GALNTL6: variants seen among roughly 807,000 people sequenced by gnomAD.
GALNTL6 encodes polypeptide N-acetylgalactosaminyltransferase like 6, also known as polypeptide N-acetylgalactosaminyltransferase-like 6.
A neutral mutation model predicts 73.7 loss-of-function variants in GALNTL6; 46 were observed. The ratio of observed to expected loss-of-function variants is 0.62; its 90% CI spans 0.49 to 0.80. GALNTL6 has a LOEUF of 0.80. Ranked by LOEUF, GALNTL6 falls within the 30% of genes least tolerant of loss-of-function variation. GALNTL6 has a pLI of 0.00. For missense variants in GALNTL6, 604 were observed against 755.0 expected (o/e 0.80, Z 2.34); for synonymous variants, 259 against 263.7 (o/e 0.98, Z 0.17).
At chr4:171,886,095 C>T (rs1736600251) in intron 2 of GALNTL6, among the ~76,000 whole-genome samples, 1 of 151,798 alleles carries the variant, frequency 6.6e-6, no homozygotes, top group Admixed American at 6.6e-5. Flanking sequence ...AAAATATCTA[C>T]ATAATTAAAA....
At chr4:172,843,359 T>C (rs755839517) in intron 7 of GALNTL6, among the ~76,000 whole-genome samples, 6 of 152,192 alleles carry the variant, frequency 3.9e-5, no homozygotes, top group Non-Finnish European at 8.8e-5. Flanking sequence ...TGAGAGTGGC[T>C]TCGGTAATGG....
intron 2 of GALNTL6, among the ~76,000 whole-genome samples, chr4:171,917,903 A>T (rs1022743247): frequency 1.3e-5 from 2 of 152,118 alleles, no homozygotes; most frequent in African/African-American, 4.8e-5. Context: ...AGAAGAGTTG[A>T]CACCTTCTCA....
chr4:172,461,044 A>G (rs1269540219), intron 5 of GALNTL6, among the ~76,000 whole-genome samples: 2 of 152,220 alleles, frequency 1.3e-5, no homozygotes, highest in Admixed American at 6.5e-5. Flanking sequence ...GCCATAAAAA[A>G]TGATGAGTTC....
At chr4:172,448,888 A>G (rs1222763868) in intron 5 of GALNTL6, among the ~76,000 whole-genome samples, 1 of 152,174 alleles carries the variant, frequency 6.6e-6, no homozygotes, top group Non-Finnish European at 1.5e-5. Flanking sequence ...TAACTTACCA[A>G]CACTGGGAAA....
At chr4:172,468,894 ATTC>A (rs1225866388) in intron 5 of GALNTL6, among the ~76,000 whole-genome samples, 1 of 152,190 alleles carries the variant, frequency 6.6e-6, no homozygotes, top group East Asian at 1.9e-4. Context: ...CTACAAACCT[ATTC>A]TTCCTTTTCA....
intron 2 of GALNTL6, among the ~76,000 whole-genome samples, chr4:171,899,239 A>G (rs1049410395): frequency 6.6e-6 from 1 of 152,206 alleles, no homozygotes; most frequent in East Asian, 1.9e-4. Flanking sequence ...GTGTTACCCT[A>G]TGGCAAAGGC....
At chr4:173,027,999 C>T (rs551207644) in intron 12 of GALNTL6, among the ~76,000 whole-genome samples, 7 of 152,246 alleles carry the variant, frequency 4.6e-5, no homozygotes, top group East Asian at 1.9e-4. Flanking sequence ...CAGAAAACTA[C>T]AAAGCATCAC....
chr4:172,527,636 T>G (rs575030721), intron 5 of GALNTL6, among the ~76,000 whole-genome samples: 17 of 152,304 alleles, frequency 1.1e-4, no homozygotes, highest in Admixed American at 5.2e-4. Context: ...TTAGGAACCC[T>G]CTTGCCCTTA....
chr4:172,290,922 C>A (rs1739449012), intron 3 of GALNTL6, among the ~76,000 whole-genome samples: 1 of 150,704 alleles, frequency 6.6e-6, no homozygotes, highest in Admixed American at 6.6e-5. Flanking sequence ...AAAAAACAAG[C>A]AAGAATAAGA....
At chr4:171,831,950 T>G (rs1183226478) in intron 2 of GALNTL6, among the ~76,000 whole-genome samples, 10 of 151,486 alleles carry the variant, frequency 6.6e-5, no homozygotes, top group Admixed American at 5.9e-4. Context: ...TTTTTAATAC[T>G]TTATATGATT....
intron 7 of GALNTL6, among the ~76,000 whole-genome samples, chr4:172,823,320 C>A (rs1166079553): frequency 1.3e-5 from 2 of 152,298 alleles, no homozygotes; most frequent in South Asian, 2.1e-4. Flanking sequence ...CTTTGCTTTC[C>A]TTCTCAATTC....
At chr4:171,857,295 C>T (rs767454914) in intron 2 of GALNTL6, among the ~76,000 whole-genome samples, 4 of 151,976 alleles carry the variant, frequency 2.6e-5, no homozygotes, top group Non-Finnish European at 4.4e-5. Flanking sequence ...AACCAAATTC[C>T]TCTGTGGAAT....
intron 2 of GALNTL6, among the ~76,000 whole-genome samples, chr4:171,897,030 TA>T (rs958810161): frequency 2.9e-5 from 1 of 34,652 alleles, no homozygotes; most frequent in Non-Finnish European, 5.7e-5. Flanking sequence ...TATTAAATAT[TA>T]ATTAACTGAA....
chr4:172,226,504 C>T (rs893356563), intron 2 of GALNTL6, among the ~76,000 whole-genome samples: 1 of 151,768 alleles, frequency 6.6e-6, no homozygotes, highest in African/African-American at 2.4e-5. Context: ...ATTCTAATCT[C>T]TTTGGAAGAA....
intron 7 of GALNTL6, among the ~76,000 whole-genome samples, chr4:172,872,814 G>A (rs188204127): frequency 1.1e-4 from 16 of 152,138 alleles, no homozygotes; most frequent in South Asian, 2.1e-4. Flanking sequence ...CTAGTTACAG[G>A]CCTATCCCAC....
intron 2 of GALNTL6, among the ~76,000 whole-genome samples, chr4:172,053,221 G>C (rs1730926778): frequency 6.6e-6 from 1 of 152,050 alleles, no homozygotes; most frequent in Non-Finnish European, 1.5e-5. Flanking sequence ...TGTAATTTCT[G>C]AATCATATTT....
At chr4:172,834,345 A>G (rs931450321) in intron 7 of GALNTL6, among the ~76,000 whole-genome samples, 1 of 152,150 alleles carries the variant, frequency 6.6e-6, no homozygotes, top group South Asian at 2.1e-4. Context: ...TGTCTGCCCT[A>G]TATGTGGAGC....
intron 2 of GALNTL6, among the ~76,000 whole-genome samples, chr4:172,182,997 C>T (rs553591851): frequency 6.6e-6 from 1 of 152,248 alleles, no homozygotes; most frequent in South Asian, 2.1e-4. Context: ...CACTAGAAGA[C>T]TGGTCCATTT....
intron 2 of GALNTL6, among the ~76,000 whole-genome samples, chr4:172,129,793 C>T (rs1201817191): frequency 6.6e-6 from 1 of 152,156 alleles, no homozygotes; most frequent in Non-Finnish European, 1.5e-5. Flanking sequence ...AAAAAAAGAA[C>T]TTGCCAAAGT....
Sources: allele counts gnomAD v4.1 joint callset (sites outside exome capture counted in the v4.1 genomes callset), GRCh38; gene constraint gnomAD v4.1.1; transcripts MANE v1.5; gene names NCBI Gene and HGNC (gene_info 2026-07-23, HGNC 2026-07-21).